Variants in PHF14 observed in about 807,000 individuals in gnomAD.
The protein encoded by PHF14 is PHD finger protein 14.
In PHF14, 55 loss-of-function variants were observed where a neutral mutation model predicts 117.9. That is an observed-to-expected ratio of 0.47 (90% CI 0.38 to 0.58). The LOEUF (loss-of-function observed/expected upper bound fraction) is 0.58, where lower values mean the gene tolerates loss of function less well. Among genes scored for constraint, PHF14 ranks in the 20% least tolerant of loss-of-function variants. The probability of loss-of-function intolerance (pLI) is 0.00; values close to 1 mark genes in which losing one functional copy is unlikely to be tolerated. For missense variants in PHF14, 978 were observed against 1,122.2 expected, an observed-to-expected ratio of 0.87 and a Z score of 1.84; for synonymous variants, 409 against 368.6, an observed-to-expected ratio of 1.11 and a Z score of -1.26.
intron 4 of PHF14, among the ~76,000 whole-genome samples, chr7:10,991,365 A>G (rs981942792): frequency 2.0e-5 from 3 of 152,042 alleles, no homozygotes; most frequent in Non-Finnish European, 2.9e-5. Flanking sequence ...TTTAGTAGAG[A>G]TGGAGTTTCA....
intron 16 of PHF14, chr7:11,062,672 CATAATGCTAATCAGAA>C (rs1197714188): frequency 1.2e-5 from 12 of 981,812 alleles, no homozygotes; most frequent in Non-Finnish European, 1.3e-5. Flanking sequence ...TTTAATCAGA[CATAATGCTAATCAGAA>C]ATCTTAGCTG....
chr7:11,103,597 G>A lies in PHF14; in HGVS notation c.2655-7753G>A. On this transcript the variant is annotated intron_variant, in intron 16 of 17. Transcript: ENST00000634607. ...CTGAAATTGAATTGCACTTATACAT[G>A]TAAATTGTCAACATGTAATTTGGAA... 3 of 984,362 alleles carry A rather than the reference G, an allele frequency of 3.0e-6. No individual in the cohort carries two copies. The South Asian group carries it at 1.4e-4, about 46-fold the overall frequency. 61.0% of individuals were successfully genotyped at this position (984,362 alleles called of 1,614,324 possible). A position where few individuals can be genotyped will look rare whatever the true frequency, so the allele number is the denominator to read the frequency against.
intron 16 of PHF14, chr7:11,103,111 T>A (rs1375358132): frequency 1.0e-6 from 1 of 973,192 alleles, no homozygotes; most frequent in Non-Finnish European, 1.2e-6. Flanking sequence ...TATTTCTATT[T>A]ATAATATTCA....
intron 16 of PHF14, among the ~76,000 whole-genome samples, chr7:11,097,694 T>G (rs1256582412): frequency 6.6e-6 from 1 of 152,236 alleles, no homozygotes; most frequent in Non-Finnish European, 1.5e-5. Context: ...CATCTGAAAG[T>G]TTGCCTTCCC....
chr7:11,131,317 G>A (rs576291411), intron 17 of PHF14, among the ~76,000 whole-genome samples: 11 of 151,926 alleles, frequency 7.2e-5, no homozygotes, highest in East Asian at 3.9e-4. Context: ...CCATATCTTT[G>A]CCAGCATTGA....
chr7:11,122,410 CACGT>C (rs1451524206), intron 17 of PHF14, among the ~76,000 whole-genome samples: 2 of 122,534 alleles, frequency 1.6e-5, no homozygotes, highest in East Asian at 4.7e-4. Context: ...TATATATATA[CACGT>C]ATATATATAT....
chr7:11,001,752 TC>T (rs1782885152), intron 4 of PHF14, among the ~76,000 whole-genome samples: 1 of 152,162 alleles, frequency 6.6e-6, no homozygotes, highest in South Asian at 2.1e-4. Context: ...GCTTTTTAGT[TC>T]CAGGAAATTT....
At chr7:11,120,049 AT>A (rs10713943) in intron 17 of PHF14, among the ~76,000 whole-genome samples, 72,429 of 151,582 alleles carry the variant, frequency 0.48, 18,063 homozygotes, top group East Asian at 0.84. Context: ...GATAATAGTT[AT>A]TTTTTCCCAA....
intron 4 of PHF14, among the ~76,000 whole-genome samples, chr7:11,009,623 G>A (rs1038934607): frequency 3.9e-5 from 6 of 152,190 alleles, no homozygotes; most frequent in Non-Finnish European, 7.3e-5. Context: ...AAATGAATTG[G>A]AGCAGATATA....
chr7:11,030,347 T>G (rs1784080443), intron 7 of PHF14, among the ~76,000 whole-genome samples: 1 of 152,114 alleles, frequency 6.6e-6, no homozygotes, highest in African/African-American at 2.4e-5. Context: ...TGGAAAACTT[T>G]GAGCTTTGCG....
chr7:11,105,214 AATT>A (rs1320583103), intron 16 of PHF14: 10 of 961,418 alleles, frequency 1.0e-5, no homozygotes, highest in Non-Finnish European at 1.1e-5. Flanking sequence ...TAACTTTAGA[AATT>A]ATATTTATGC....
chr7:11,004,824 T>A (rs1783022627), intron 4 of PHF14, among the ~76,000 whole-genome samples: 1 of 151,844 alleles, frequency 6.6e-6, no homozygotes, highest in Non-Finnish European at 1.5e-5. Flanking sequence ...TTACTTGAAG[T>A]CAGGAGTTCG....
intron 3 of PHF14, among the ~76,000 whole-genome samples, chr7:10,988,387 G>A (rs1254199930): frequency 2.6e-5 from 4 of 152,246 alleles, no homozygotes; most frequent in African/African-American, 9.6e-5. Context: ...CTGACCTTTA[G>A]AAATTTACTT....
chr7:11,148,502 T>C (rs1488157708), intron 17 of PHF14, among the ~76,000 whole-genome samples: 1 of 152,194 alleles, frequency 6.6e-6, no homozygotes, highest in Non-Finnish European at 1.5e-5. Context: ...AGGGCTTCCT[T>C]GACTACCTTG....
chr7:11,150,990 C>T (rs868049143), intron 17 of PHF14, among the ~76,000 whole-genome samples: 1 of 152,084 alleles, frequency 6.6e-6, no homozygotes, highest in African/African-American at 2.4e-5. Flanking sequence ...AAAAGAACTA[C>T]ACTGTCTTAA....
At chr7:11,005,338 CT>C (rs910948059) in intron 4 of PHF14, among the ~76,000 whole-genome samples, 11 of 152,146 alleles carry the variant, frequency 7.2e-5, no homozygotes, top group African/African-American at 2.7e-4. Flanking sequence ...TTCTCTTCCC[CT>C]TTTTTTCCTT....
chr7:11,159,825 A>T (rs1342094780), intron 17 of PHF14, among the ~76,000 whole-genome samples: 1 of 152,224 alleles, frequency 6.6e-6, no homozygotes, highest in East Asian at 1.9e-4. Context: ...AAATTCTAAC[A>T]ATAGATGAAA....
chr7:11,051,514 A>C, intron 13 of PHF14, 98 bp from the exon 14 acceptor site: 1 of 933,410 alleles, frequency 1.1e-6, no homozygotes, highest in Non-Finnish European at 1.6e-6. Flanking sequence ...ATTTTTATAT[A>C]TTATTCTTAT....
chr7:10,990,860 T>G lies in PHF14; in HGVS notation c.1045+13T>G, dbSNP rs369532575. Reference sequence around the variant, plus strand: ...ACAGTCCATGAAGGTAATGTTGCTTTCTTTTCTCTCTTTTTAGAAATGGCT... The same window carrying G: ...ACAGTCCATGAAGGTAATGTTGCTTGCTTTTCTCTCTTTTTAGAAATGGCT... On this transcript the variant is annotated intron_variant, in intron 4 of 17. Coordinates refer to ENST00000634607, the MANE Select transcript of PHF14 (RefSeq NM_001007157.2). 7 of 1,551,290 alleles carry G rather than the reference T, an allele frequency of 4.5e-6. No homozygotes were observed. Among genetic ancestry groups the G allele is most frequent in the African/African-American group, 2.7e-5 (2 of 73,438 alleles).
Sources: allele counts gnomAD v4.1 joint callset (sites outside exome capture counted in the v4.1 genomes callset), GRCh38; gene constraint gnomAD v4.1.1; transcripts MANE v1.5; gene names NCBI Gene and HGNC (gene_info 2026-07-23, HGNC 2026-07-21).